RYR1: variants seen among roughly 807,000 people sequenced by gnomAD.
RYR1 encodes the protein central core disease of muscle.
RYR1 carries 342 observed loss-of-function variants against 583.5 expected under a neutral mutation model. The observed-to-expected ratio is 0.59, with a 90% CI of 0.54 to 0.64. The LOEUF (loss-of-function observed/expected upper bound fraction) is 0.64. Ranked by LOEUF, RYR1 falls within the 30% of genes least tolerant of loss-of-function variation. The pLI is 0.00. For synonymous variants in RYR1, 2,791 were observed against 2,822.5 expected, an observed-to-expected ratio of 0.99 and a Z score of 0.35; for missense variants, 6,032 against 6,917.2, an observed-to-expected ratio of 0.87 and a Z score of 4.54.
At chr19:38,506,075 A>G (rs906838707) in intron 54 of RYR1, 129 bp downstream of exon 54, 6 of 1,267,312 alleles carry the variant, frequency 4.7e-6, no homozygotes, top group South Asian at 2.7e-5. Context: ...AGAGGGGTGC[A>G]GAAACCTGAG....
chr19:38,456,939 G>A (rs148175644), intron 16 of RYR1, among the ~76,000 whole-genome samples: 16 of 150,818 alleles, frequency 1.1e-4, no homozygotes, highest in African/African-American at 3.7e-4. Context: ...CCAGCTACTC[G>A]GGAGGCTGAG....
Position 38,528,642 on chromosome 19 carries a change from T to A in RYR1, c.10981T>A (p.Trp3661Arg), listed in dbSNP as rs1343351943. The change falls in exon 75 of 106, where the codon TGG (tryptophan) becomes AGG (arginine). Residue 3661 changes from tryptophan (W) to arginine (R), a missense_variant. Coordinates refer to ENST00000359596, the MANE Select transcript of RYR1 (RefSeq NM_000540.3). Reference protein sequence around the residue: ...NMFLESYKAAWILTEDHSFED... With the variant: ...NMFLESYKAARILTEDHSFED... ...GTTCCTGGAGAGCTACAAGGCTGCATGGATCCTGACTGAAGACCACAGTTT... is the reference window on the plus strand; with the variant it reads ...GTTCCTGGAGAGCTACAAGGCTGCAAGGATCCTGACTGAAGACCACAGTTT... The A allele has an allele frequency of 6.2e-7, 1 of 1,614,178 alleles. No homozygotes were observed. Among genetic ancestry groups the A allele is most frequent in the East Asian group, 2.2e-5 (1 of 44,876 alleles).
At position 38,499,263 on chromosome 19, in the gene RYR1, G is replaced by A. The variant is rs757739216; in HGVS notation, c.7027+20G>A. 1 of 1,614,136 alleles carries A rather than the reference G, an allele frequency of 6.2e-7. No homozygotes were observed. The highest frequency in any genetic ancestry group is 8.5e-7 in the Non-Finnish European group (1 of 1,180,016). ...TCAACGGTGAGGAGGGGGTGGCAGTGGCAGAGCGGGAAGTATGGAGTCACT... is the reference window on the plus strand; with the variant it reads ...TCAACGGTGAGGAGGGGGTGGCAGTAGCAGAGCGGGAAGTATGGAGTCACT... On this transcript the variant is annotated intron_variant, in intron 43 of 105. Coordinates refer to ENST00000359596, the MANE Select transcript of RYR1 (RefSeq NM_000540.3). This position sits in a 1 kb window ranked among gnomAD's most constrained non-coding sequence, Gnocchi z 7.3.
intron 87 of RYR1, among the ~76,000 whole-genome samples, 162 bp from the exon 88 acceptor site, chr19:38,546,283 C>T (rs1001942176): frequency 3.9e-5 from 6 of 152,046 alleles, no homozygotes; most frequent in East Asian, 3.9e-4. Flanking sequence ...TCTCTCTGCC[C>T]CTTCCCCTGC....
chr19:38,535,914 A>G, intron 81 of RYR1, 83 bp from the exon 82 acceptor site: 2 of 1,263,086 alleles, frequency 1.6e-6, no homozygotes, highest in Non-Finnish European at 2.3e-6. Context: ...CCAGGCTACC[A>G]TGGTGGGGAG....
rs1568470110 is a variant in RYR1 at position 38,473,677 on chromosome 19, G to GCC, written c.4070_4071dup (p.Gly1358ProfsTer41). 6.4e-7 allele frequency: 1 copy of GCC among 1,550,758 alleles called. No individual in the cohort carries two copies. The highest frequency in any genetic ancestry group is 8.7e-7 in the Non-Finnish European group (1 of 1,147,234). The stretch of plus-strand genomic sequence containing the variant: ...CAAAGAAGGGACTGCGAAGGAGGGC[G>GCC]CCCCCGGGGGCACCCCGCAGGCGGG... On this transcript the variant is annotated frameshift_variant, in exon 28 of 106. Coordinates refer to ENST00000359596, the MANE Select transcript of RYR1 (RefSeq NM_000540.3). LOFTEE classifies it high-confidence loss of function.
intron 87 of RYR1, among the ~76,000 whole-genome samples, chr19:38,545,512 A>G (rs1972385280): frequency 6.6e-6 from 1 of 152,194 alleles, no homozygotes; most frequent in Non-Finnish European, 1.5e-5. Context: ...TGGTGGAACC[A>G]TATGAAATTA....
At chr19:38,459,404 A>C in intron 19 of RYR1, 66 bp downstream of exon 19, 6 of 1,483,204 alleles carry the variant, frequency 4.0e-6, no homozygotes, top group Non-Finnish European at 5.6e-6. Context: ...CAGCTTCCCC[A>C]GTCACTCCAT....
At chr19:38,492,658 G>A in intron 38 of RYR1, 22 bp downstream of exon 38, 3 of 1,454,774 alleles carry the variant, frequency 2.1e-6, no homozygotes, top group Non-Finnish European at 2.8e-6. Context: ...GGTCACTGGG[G>A]AGAGGGCAGG....
Position 38,455,711 on chromosome 19 carries a change from C to G in RYR1, c.1751C>G (p.Ser584Cys). The change falls in exon 16 of 106, where the codon TCC (serine) becomes TGC (cysteine). Residue 584 changes from serine to cysteine, a missense_variant. Transcript: ENST00000359596. Reference protein sequence around the residue: ...LNIIQENHIKSIISLLDKHGR... With the variant: ...LNIIQENHIKCIISLLDKHGR... ...ATCATCCAGGAGAATCACATCAAGT[C>G]CATCATCTCCCTCCTGGACAAGCAT... 6.2e-7 allele frequency: 1 copy of G among 1,613,420 alleles called. No individual in the cohort carries two copies. The highest frequency in any genetic ancestry group is 8.5e-7 in the Non-Finnish European group (1 of 1,179,556).
chr19:38,556,659 G>A (rs1003537257), intron 89 of RYR1, among the ~76,000 whole-genome samples: 1 of 151,936 alleles, frequency 6.6e-6, no homozygotes, highest in Non-Finnish European at 1.5e-5. Flanking sequence ...CAAGGTGCTG[G>A]GATTACAGGC....
In RYR1 at chr19:38,502,864, G is replaced by C; in HGVS notation, c.7836-16G>C. On this transcript the variant is annotated splice_polypyrimidine_tract_variant and intron_variant, in intron 48 of 105. Coordinates refer to ENST00000359596, the MANE Select transcript of RYR1 (RefSeq NM_000540.3). ...GCCTGGACGGGGGATTCTACATCTTGTGCATTGTCCCGCAGGTACATCCGC... is the reference window on the plus strand; with the variant it reads ...GCCTGGACGGGGGATTCTACATCTTCTGCATTGTCCCGCAGGTACATCCGC... 6.2e-7 allele frequency: 1 copy of C among 1,608,194 alleles called. No individual in the cohort carries two copies. Among genetic ancestry groups the C allele is most frequent in the South Asian group, 1.1e-5 (1 of 90,932 alleles).
In RYR1 at chr19:38,456,525, A is replaced by G. The variant is rs567862697; in HGVS notation, c.1791+774A>G. 9.9e-5 allele frequency among the ~76,000 whole-genome samples: 15 copies of G among 151,200 alleles called. No individual in the cohort carries two copies. The East Asian group carries it at 2.6e-3, about 26-fold the overall frequency. The stretch of plus-strand genomic sequence containing the variant: ...TCGAACTCCTGACCTCAGGTGATCC[A>G]CCCACTTTGGCCTCCCAAAGTGCTG... On this transcript the variant is annotated intron_variant, in intron 16 of 105. Coordinates refer to ENST00000359596, the MANE Select transcript of RYR1 (RefSeq NM_000540.3).
intron 82 of RYR1, among the ~76,000 whole-genome samples, chr19:38,536,298 G>A (rs150726545): frequency 1.3e-3 from 91 of 68,494 alleles, no homozygotes; most frequent in Non-Finnish European, 2.0e-3. Flanking sequence ...CCCGCCACCA[G>A]AAGTCATTCT....
rs1372801962 is a variant in RYR1 at position 38,478,559 on chromosome 19, A to G, written c.4579A>G (p.Thr1527Ala). Residue 1527 changes from threonine to alanine, a missense_variant, in exon 31 of 106, where the codon ACC becomes GCC. Thr to Ala is a moderately conservative substitution (Grantham distance 58). Around this residue, in one of 11 missense-constraint regions of RYR1, gnomAD observed 2,627 missense variants for 2,961.3 expected, o/e 0.89. Transcript: ENST00000359596. ...GGTGGACTTGGCCACTGGCTTAATGACCTTTACAGCCAATGGCAAAGAGAG... is the reference window on the plus strand; with the variant it reads ...GGTGGACTTGGCCACTGGCTTAATGGCCTTTACAGCCAATGGCAAAGAGAG... ...CLVDLATGLM[T>A]FTANGKESNT... The G allele has an allele frequency of 6.2e-7, 1 of 1,613,612 alleles. No individual in the cohort carries two copies. Among genetic ancestry groups the G allele is most frequent in the Non-Finnish European group, 8.5e-7 (1 of 1,180,004 alleles).
rs528782286 is a variant in RYR1, at chr19:38,506,750, CG to C, written c.8693-76del. Reference sequence around the variant, plus strand: ...TCTTTATCACCATAATTACGCATGCCGGGCACTGCAGGAACCACTTCAGTGA... The same window carrying C: ...TCTTTATCACCATAATTACGCATGCCGGCACTGCAGGAACCACTTCAGTGA... On this transcript the variant is annotated intron_variant, in intron 56 of 105. Coordinates refer to ENST00000359596, the MANE Select transcript of RYR1 (RefSeq NM_000540.3). 891 of 1,602,682 alleles carry C rather than the reference CG, an allele frequency of 5.6e-4. 3 individuals carry two copies. The African/African-American group carries it at 0.01, about 18-fold the overall frequency.
rs552470353 is a variant in RYR1, at chr19:38,516,156, G to T, written c.9624G>T (p.Pro3208=). Residue 3208 remains proline (P), a synonymous_variant, in exon 65 of 106, where the codon CCG becomes CCT. Transcript: ENST00000359596. Reference sequence around the variant, plus strand: ...CCATGCCGGTGGCGTTCCTGGAGCCGCAGCTGAACGAGTACAACGCCTGCT... The same window carrying T: ...CCATGCCGGTGGCGTTCCTGGAGCCTCAGCTGAACGAGTACAACGCCTGCT... ...AAAMPVAFLE[P]QLNEYNACSV... is the part of the protein sequence containing the mutation. 9.6e-6 allele frequency: 15 copies of T among 1,557,376 alleles called. No homozygotes were observed. Among genetic ancestry groups the T allele is most frequent in the South Asian group, 9.5e-5 (8 of 84,398 alleles).
chr19:38,584,361 C>A lies in RYR1; in HGVS notation c.14647-582C>A, dbSNP rs1362638904. On this transcript the variant is annotated intron_variant, in intron 101 of 105. Coordinates refer to ENST00000359596, the MANE Select transcript of RYR1 (RefSeq NM_000540.3). ...CCCCCCATCCATCCCGGCCCTGACC[C>A]CTCTGCCTGTGCCCCACTATCCTGG... Among the ~76,000 whole-genome samples, 2 of 134,458 alleles carry A rather than the reference C, an allele frequency of 1.5e-5. 1 individual carries two copies. The highest frequency in any genetic ancestry group is 5.3e-4 in the South Asian group (2 of 3,754). 88.2% of individuals were successfully genotyped at this position (134,458 alleles called of 152,430 possible).
chr19:38,524,077 C>T lies in RYR1; in HGVS notation c.10455+148C>T, dbSNP rs12982858. The T allele has an allele frequency of 1.6e-5, 13 of 814,286 alleles. No individual in the cohort carries two copies. The African/African-American group carries it at 1.8e-4, about 11-fold the overall frequency. The allele number at this position is 814,286 out of a possible 1,614,324, so 50.4% of individuals were successfully genotyped here. On this transcript the variant is annotated intron_variant, in intron 70 of 105. Transcript: ENST00000359596. ...AGCCCCCACCCATCCTCCTTCCCTT[C>T]CCTTCCCTCCCCACCACCCCCATCC...
Sources: allele counts gnomAD v4.1 joint callset (sites outside exome capture counted in the v4.1 genomes callset), GRCh38; gene constraint gnomAD v4.1.1; regional missense constraint gnomAD v4.1.1; non-coding constraint Gnocchi (gnomAD v3.1); transcripts MANE v1.5; gene names NCBI Gene and HGNC (gene_info 2026-07-23, HGNC 2026-07-21).